PSMA6: variants seen among roughly 807,000 people sequenced by gnomAD.
PSMA6 encodes proteasome 20S subunit alpha 6, also known as proteasome subunit alpha type-6.
For synonymous variants in PSMA6, 88 were observed against 97.7 expected (o/e 0.90, Z 0.59); for missense variants, 170 against 294.8 (o/e 0.58, Z 3.10).
chr14:35,308,968 A>T lies in PSMA6; in HGVS notation c.226A>T (p.Ile76Phe). The change falls in exon 3 of 7, where the codon ATT becomes TTT. Residue 76 changes from isoleucine (I) to phenylalanine (F), a missense_variant. Ile to Phe is a conservative substitution (Grantham distance 21). Transcript: ENST00000261479. ...VTHLFKITEN[I>F]GCVMTGMTAD... ...TCACTTATTCAAGATAACTGAAAAC[A>T]TTGGTTGTGTGATGACCGGAATGAC... 3.1e-6 allele frequency: 5 copies of T among 1,610,382 alleles called. No individual in the cohort carries two copies. Among genetic ancestry groups the T allele is most frequent in the Non-Finnish European group, 4.2e-6 (5 of 1,177,226 alleles).
intron 3 of PSMA6, among the ~76,000 whole-genome samples, chr14:35,309,682 G>C (rs1260103476): frequency 6.6e-6 from 1 of 152,206 alleles, no homozygotes; most frequent in Admixed American, 6.5e-5. Flanking sequence ...TGTAATCCCA[G>C]CTATTCAGGA....
intron 1 of PSMA6, among the ~76,000 whole-genome samples, chr14:35,303,762 TC>T (rs2051765130): frequency 6.6e-6 from 1 of 152,192 alleles, no homozygotes; most frequent in Non-Finnish European, 1.5e-5. Context: ...CAGCTGCAGA[TC>T]ATAAATATTC....
At chr14:35,281,620 G>T (rs1356775780) in intron 1 of PSMA6, among the ~76,000 whole-genome samples, 2 of 152,154 alleles carry the variant, frequency 1.3e-5, no homozygotes, top group African/African-American at 2.4e-5. Context: ...TCCTGAGTCA[G>T]TCTCATCATT....
intron 1 of PSMA6, among the ~76,000 whole-genome samples, chr14:35,285,260 C>T (rs1158714203): frequency 1.3e-5 from 2 of 151,278 alleles, no homozygotes; most frequent in African/African-American, 4.9e-5. Flanking sequence ...GTGGGAGGAT[C>T]GCCTGGGAGG....
intron 4 of PSMA6, chr14:35,311,119 ATT>A (rs2051935900): frequency 2.4e-6 from 1 of 412,852 alleles, no homozygotes; most frequent in Non-Finnish European, 4.3e-6. Context: ...TTATCAAAGT[ATT>A]TCCATTTGGT....
upstream of PSMA6, among the ~76,000 whole-genome samples, chr14:35,291,827 A>C (rs1353885912): frequency 2.7e-5 from 4 of 147,392 alleles, no homozygotes; most frequent in Admixed American, 6.7e-5. Flanking sequence ...CTGTCTCAAA[A>C]AAAAAAAAAA....
At chr14:35,295,576 C>T (rs1356850329) in intron 1 of PSMA6, among the ~76,000 whole-genome samples, 2 of 151,656 alleles carry the variant, frequency 1.3e-5, no homozygotes, top group Non-Finnish European at 2.9e-5. Context: ...CCTCAGCCTC[C>T]CAAGTAGCTG....
At chr14:35,295,300 G>A (rs1396554673) in intron 1 of PSMA6, among the ~76,000 whole-genome samples, 2 of 150,916 alleles carry the variant, frequency 1.3e-5, no homozygotes, top group African/African-American at 2.4e-5. Flanking sequence ...CCGTGCCATT[G>A]CACCTCCAGA....
chr14:35,314,298 G>C, intron 5 of PSMA6, 63 bp from the exon 6 acceptor site: 1 of 1,447,560 alleles, frequency 6.9e-7, no homozygotes, highest in East Asian at 2.6e-5. Context: ...AATAAGCTAG[G>C]AATGAGAAAA....
chr14:35,297,823 C>T (rs1040468115), intron 1 of PSMA6, among the ~76,000 whole-genome samples: 2 of 152,154 alleles, frequency 1.3e-5, no homozygotes, highest in African/African-American at 4.8e-5. Flanking sequence ...ATTTTGCCAC[C>T]GTGCCTTTTA....
intron 1 of PSMA6, among the ~76,000 whole-genome samples, chr14:35,281,806 C>T (rs961296305): frequency 1.3e-5 from 2 of 152,130 alleles, no homozygotes. Flanking sequence ...TCAGGTTGGT[C>T]TTGAACTCTT....
At chr14:35,293,241 C>T (rs908379522) in intron 1 of PSMA6, 1 of 321,340 alleles carries the variant, frequency 3.1e-6, no homozygotes, top group East Asian at 8.1e-5. Flanking sequence ...TTTGAATGCT[C>T]CTGTAATTTA....
chr14:35,292,730 G>A lies in PSMA6; in HGVS notation c.76+178G>A. The A allele has an allele frequency of 4.1e-6, 5 of 1,220,752 alleles. No homozygotes were observed. In the South Asian group the frequency reaches 4.7e-5, roughly 11 times the overall value. 75.6% of individuals were successfully genotyped at this position (1,220,752 alleles called of 1,614,324 possible). A position where few individuals can be genotyped will look rare whatever the true frequency, so the allele number is the denominator to read the frequency against. On this transcript the variant is annotated intron_variant, in intron 1 of 6. Transcript: ENST00000261479. ...GTTTGCACCCCCGTCTGGACGCAGG[G>A]ATCGGGGGCCTGAAGGCCTGTCTCT...
chr14:35,308,281 C>A, intron 2 of PSMA6, 193 bp downstream of exon 2: 1 of 506,514 alleles, frequency 2.0e-6, no homozygotes, highest in East Asian at 5.2e-5. Context: ...ATTAGTCAGG[C>A]GTGGTGGCAC....
chr14:35,298,651 A>G (rs754754591), intron 1 of PSMA6, among the ~76,000 whole-genome samples: 7 of 152,168 alleles, frequency 4.6e-5, no homozygotes, highest in Non-Finnish European at 8.8e-5. Flanking sequence ...ACTGTTGCCA[A>G]CGTTTGAATC....
At chr14:35,317,215 A>T in intron 6 of PSMA6, 34 bp from the exon 7 acceptor site, 8 of 1,593,264 alleles carry the variant, frequency 5.0e-6, no homozygotes, top group African/African-American at 1.3e-5. Context: ...AATTTTTTTT[A>T]AATCGTTGTT....
chr14:35,280,640 C>A (rs926024486), intron 1 of PSMA6, among the ~76,000 whole-genome samples: 11 of 152,084 alleles, frequency 7.2e-5, no homozygotes, highest in Non-Finnish European at 1.5e-4. Flanking sequence ...CCTTGGCCTC[C>A]CAAAGTGCTG....
Position 35,310,745 on chromosome 14 carries a change from A to G in PSMA6, c.259A>G (p.Ser87Gly), listed in dbSNP as rs2051928965. 3 of 1,611,930 alleles carry G rather than the reference A, an allele frequency of 1.9e-6. No homozygotes were observed. The highest frequency in any genetic ancestry group is 2.7e-5 in the African/African-American group (2 of 74,864). ...GCVMTGMTAD[S>G]RSQVQRARYE... ...TTTGTTTTTTATGCTATAAGCTGAC[A>G]GCAGATCCCAGGTACAGAGGGCACG... Residue 87 changes from serine (S) to glycine (G), a missense_variant, in exon 4 of 7, where the codon AGC (serine) becomes GGC (glycine). Ser to Gly is a moderately conservative substitution (Grantham distance 56). Transcript: ENST00000261479.
chr14:35,308,844 A>G lies in PSMA6; in HGVS notation c.172-70A>G, dbSNP rs528681991. On this transcript the variant is annotated intron_variant, in intron 2 of 6. Transcript: ENST00000261479. ...AGAAGCAGGGCAAATTAAAAACATA[A>G]TTTTTTTTATAACTACACAGAAACC... 329 of 1,178,322 alleles carry G rather than the reference A, an allele frequency of 2.8e-4. 1 individual carries two copies. The African/African-American group carries it at 4.4e-3, about 16-fold the overall frequency. 73.0% of individuals were successfully genotyped at this position (1,178,322 alleles called of 1,614,324 possible).
Sources: allele counts gnomAD v4.1 joint callset (sites outside exome capture counted in the v4.1 genomes callset), GRCh38; gene constraint gnomAD v4.1.1; transcripts MANE v1.5; gene names NCBI Gene and HGNC (gene_info 2026-07-23, HGNC 2026-07-21).